Variants in FAM90A24 observed in about 807,000 individuals in gnomAD.
The protein encoded by FAM90A24 is protein FAM90A24.
the FAM90A24 span, among the ~76,000 whole-genome samples, chr8:8,022,642 C>G: frequency 7.6e-5 from 6 of 78,620 alleles, no homozygotes; most frequent in Admixed American, 1.8e-4. Flanking sequence ...CGCAGCCAAA[C>G]GTGGCTATAC....
chr8:8,021,911 A>G, the FAM90A24 span, among the ~76,000 whole-genome samples: 135 of 148,572 alleles, frequency 9.1e-4, no homozygotes, highest in African/African-American at 3.0e-3. Context: ...TAGGCTTCCC[A>G]ACTAAGGACT....
At chr8:8,022,574 C>A in the FAM90A24 span, among the ~76,000 whole-genome samples, 2 of 84,622 alleles carry the variant, frequency 2.4e-5, no homozygotes, top group African/African-American at 6.6e-5. Context: ...GACGGAGGAA[C>A]TCTGAAAGGA....
chr8:8,022,244 G>A, the FAM90A24 span: 1 of 618,068 alleles, frequency 1.6e-6, no homozygotes, highest in African/African-American at 1.8e-5. Flanking sequence ...CTTCACCCCG[G>A]GGCTTCCATG....
the FAM90A24 span, among the ~76,000 whole-genome samples, chr8:8,022,548 C>G: frequency 1.2e-5 from 1 of 85,438 alleles, no homozygotes; most frequent in African/African-American, 3.3e-5. Context: ...ACGATGTTCC[C>G]TCGCAAAGCC....
the FAM90A24 span, among the ~76,000 whole-genome samples, chr8:8,022,647 C>G: frequency 1.3e-5 from 1 of 78,154 alleles, no homozygotes; most frequent in African/African-American, 3.7e-5. Flanking sequence ...CCAAACGTGG[C>G]TATACAGGAC....
At chr8:8,022,552 C>A in the FAM90A24 span, among the ~76,000 whole-genome samples, 1 of 85,468 alleles carries the variant, frequency 1.2e-5, no homozygotes, top group Non-Finnish European at 2.7e-5. Context: ...TGTTCCCTCG[C>A]AAAGCCCACG....
the FAM90A24 span, among the ~76,000 whole-genome samples, chr8:8,022,589 C>A: frequency 3.9e-4 from 32 of 82,960 alleles, no homozygotes; most frequent in Non-Finnish European, 8.2e-4. Context: ...AAAGGAAGGA[C>A]TCAAAGTTCC....
chr8:8,022,594 A>G, the FAM90A24 span, among the ~76,000 whole-genome samples: 73,343 of 80,312 alleles, frequency 0.91, 34,722 homozygotes, highest in East Asian at 1. Context: ...AAGGACTCAA[A>G]GTTCCAAGGG....
chr8:8,022,543 G>A, the FAM90A24 span, among the ~76,000 whole-genome samples: 5 of 85,510 alleles, frequency 5.8e-5, no homozygotes, highest in African/African-American at 1.6e-4. Context: ...CGGATACGAT[G>A]TTCCCTCGCA....
At chr8:8,022,566 C>T in the FAM90A24 span, among the ~76,000 whole-genome samples, 3 of 85,118 alleles carry the variant, frequency 3.5e-5, no homozygotes, top group African/African-American at 9.9e-5. Context: ...GCCCACGGGA[C>T]GGAGGAACTC....
chr8:8,022,548 C>T, the FAM90A24 span, among the ~76,000 whole-genome samples: 2 of 85,538 alleles, frequency 2.3e-5, 1 homozygote, highest in African/African-American at 6.5e-5. Context: ...ACGATGTTCC[C>T]TCGCAAAGCC....
chr8:8,022,558 C>A, the FAM90A24 span, among the ~76,000 whole-genome samples: 4 of 85,460 alleles, frequency 4.7e-5, no homozygotes, highest in Admixed American at 1.6e-4. Flanking sequence ...CTCGCAAAGC[C>A]CACGGGACGG....
At chr8:8,022,629 C>G in the FAM90A24 span, among the ~76,000 whole-genome samples, 26 of 79,836 alleles carry the variant, frequency 3.3e-4, no homozygotes, top group Non-Finnish European at 3.9e-4. Flanking sequence ...CCGATGTCAA[C>G]AACGCAGCCA....
the FAM90A24 span, chr8:8,020,331 C>T: frequency 1.5e-6 from 1 of 661,846 alleles, no homozygotes; most frequent in East Asian, 2.8e-5. Context: ...GGCCGGTGTC[C>T]TCCTGCCCAT....
chr8:8,020,824 T>C, the FAM90A24 span: 1 of 604,810 alleles, frequency 1.7e-6, no homozygotes, highest in African/African-American at 2.2e-5. Context: ...CTGGCTTTTC[T>C]GAGGGGAGAC....
At chr8:8,022,450 T>G in the FAM90A24 span, 1 of 384,780 alleles carries the variant, frequency 2.6e-6, no homozygotes, top group Admixed American at 5.5e-5. Context: ...ACGTCAACAT[T>G]GGGACGGATT....
the FAM90A24 span, among the ~76,000 whole-genome samples, chr8:8,022,579 A>C: frequency 1.2e-5 from 1 of 84,020 alleles, no homozygotes; most frequent in Non-Finnish European, 2.7e-5. Flanking sequence ...AGGAACTCTG[A>C]AAGGAAGGAC....
At chr8:8,022,516 T>G in the FAM90A24 span, 1 of 381,900 alleles carries the variant, frequency 2.6e-6, no homozygotes, top group South Asian at 4.0e-5. Context: ...TGGGGGCCGT[T>G]AAGTGCCGGG....
At chr8:8,021,948 G>C in the FAM90A24 span, among the ~76,000 whole-genome samples, 1,004 of 140,870 alleles carry the variant, frequency 7.1e-3, 1 homozygote, top group South Asian at 0.014. Flanking sequence ...CGCTTTTCCC[G>C]CTGTCGTGGG....
Sources: gnomAD v4.1 joint callset for allele counts (sites outside exome capture counted in the v4.1 genomes callset) on GRCh38, gnomAD v4.1.1 for gene constraint, MANE v1.5 for transcripts, NCBI Gene and HGNC (gene_info 2026-07-23, HGNC 2026-07-21) for gene names.